Variants in NRG3 observed in about 807,000 individuals in gnomAD.
The protein encoded by NRG3 is neuregulin 3.
NRG3 carries 31 observed loss-of-function variants against 66.9 expected under a neutral mutation model. The ratio of observed to expected loss-of-function variants is 0.46; its 90% CI spans 0.35 to 0.63. The LOEUF (loss-of-function observed/expected upper bound fraction) is 0.63. Ranked by LOEUF, NRG3 falls within the 20% of genes least tolerant of loss-of-function variation. NRG3 has a pLI of 0.00. For missense variants in NRG3, 910 were observed against 878.9 expected (o/e 1.04, Z -0.45); for synonymous variants, 393 against 359.4 (o/e 1.09, Z -1.06).
chr10:82,239,904 A>G (rs2076932603), intron 1 of NRG3, among the ~76,000 whole-genome samples: 2 of 152,184 alleles, frequency 1.3e-5, no homozygotes, highest in African/African-American at 2.4e-5. Context: ...GTATTCACAA[A>G]AAGAAACTTA....
At position 82,985,582 on chromosome 10, in the gene NRG3, A is replaced by T. The variant is rs757153974; in HGVS notation, c.2068A>T (p.Arg690Ter). Reference sequence around the variant, plus strand: ...ATTTGTCTTAAGAAATGAAATACAAAGAGACTCTGCATTGACCAAGTGACT... The same window carrying T: ...ATTTGTCTTAAGAAATGAAATACAATGAGACTCTGCATTGACCAAGTGACT... ...AQFVLRNEIQ[R>*]DSALTK The change falls in exon 9 of 9, where the codon AGA (arginine) becomes TGA (stop). Residue 690 changes from arginine (R) to a stop codon, truncating the protein, a stop_gained. Transcript: ENST00000372141. LOFTEE classifies it high-confidence loss of function. The T allele has an allele frequency of 1.2e-6, 2 of 1,612,680 alleles. No homozygotes were observed. Among genetic ancestry groups the T allele is most frequent in the Non-Finnish European group, 1.7e-6 (2 of 1,179,960 alleles).
At chr10:82,667,990 T>G (rs982226536) in intron 2 of NRG3, among the ~76,000 whole-genome samples, 1 of 152,198 alleles carries the variant, frequency 6.6e-6, no homozygotes, top group African/African-American at 2.4e-5. Context: ...GAGCTAAATT[T>G]ATACGTCAGT....
chr10:82,428,415 A>G (rs1437737820), intron 2 of NRG3, among the ~76,000 whole-genome samples: 2 of 151,772 alleles, frequency 1.3e-5, no homozygotes, highest in Non-Finnish European at 2.9e-5. Flanking sequence ...ATGATTTCCT[A>G]ATTCCCCTTG....
At chr10:82,735,169 C>T (rs1002719418) in intron 2 of NRG3, among the ~76,000 whole-genome samples, 1 of 152,122 alleles carries the variant, frequency 6.6e-6, no homozygotes, top group Admixed American at 6.5e-5. Flanking sequence ...TACAATGTCT[C>T]GGCTCTTGTG....
chr10:82,743,233 C>G (rs564569539), intron 3 of NRG3, among the ~76,000 whole-genome samples: 1 of 152,152 alleles, frequency 6.6e-6, no homozygotes, highest in African/African-American at 2.4e-5. Flanking sequence ...GTCGTCTAGC[C>G]CCTCCGTGGA....
chr10:82,469,601 G>T (rs981346401), intron 2 of NRG3, among the ~76,000 whole-genome samples: 1 of 152,176 alleles, frequency 6.6e-6, no homozygotes, highest in Non-Finnish European at 1.5e-5. Context: ...ATAGGAGTGG[G>T]TATGCATGGC....
intron 1 of NRG3, among the ~76,000 whole-genome samples, chr10:82,309,977 A>G (rs1191281565): frequency 1.3e-5 from 2 of 152,026 alleles, no homozygotes; most frequent in Non-Finnish European, 2.9e-5. Context: ...TTCTATCTCC[A>G]AATTATTTCC....
chr10:82,197,720 A>G (rs990243131), intron 1 of NRG3, among the ~76,000 whole-genome samples: 1 of 152,204 alleles, frequency 6.6e-6, no homozygotes, highest in Non-Finnish European at 1.5e-5. Flanking sequence ...TTATCTTAAG[A>G]TAATACTAGA....
At chr10:82,264,272 A>G (rs1450325839) in intron 1 of NRG3, among the ~76,000 whole-genome samples, 1 of 152,184 alleles carries the variant, frequency 6.6e-6, no homozygotes, top group African/African-American at 2.4e-5. Flanking sequence ...GAAATTTACA[A>G]TCATGGCCGA....
chr10:82,204,263 C>T (rs1478101721), intron 1 of NRG3, among the ~76,000 whole-genome samples: 2 of 152,186 alleles, frequency 1.3e-5, no homozygotes, highest in Non-Finnish European at 2.9e-5. Context: ...TAAAATACCA[C>T]TGTCTTACTA....
At chr10:82,256,587 C>G (rs2077739498) in intron 1 of NRG3, among the ~76,000 whole-genome samples, 2 of 152,198 alleles carry the variant, frequency 1.3e-5, no homozygotes, top group Admixed American at 6.5e-5. Flanking sequence ...TATCCTGCTG[C>G]TCTACCTTCT....
intron 1 of NRG3, among the ~76,000 whole-genome samples, chr10:82,067,251 A>G (rs900149316): frequency 2.6e-5 from 4 of 152,222 alleles, no homozygotes; most frequent in Non-Finnish European, 4.4e-5. Context: ...TGCTTTAGAA[A>G]AACAAGCATT....
At chr10:82,096,029 C>G (rs1168001680) in intron 1 of NRG3, among the ~76,000 whole-genome samples, 3 of 152,074 alleles carry the variant, frequency 2.0e-5, no homozygotes, top group African/African-American at 7.2e-5. Flanking sequence ...ATCTGGACAG[C>G]ATTGGCAAGA....
At chr10:82,259,575 G>T (rs779401610) in intron 1 of NRG3, among the ~76,000 whole-genome samples, 84 of 152,110 alleles carry the variant, frequency 5.5e-4, no homozygotes, top group Non-Finnish European at 1.8e-4. Flanking sequence ...GTAAAAAGTA[G>T]TATAATAAAA....
At chr10:82,023,886 C>A (rs2062173024) in intron 1 of NRG3, among the ~76,000 whole-genome samples, 1 of 151,966 alleles carries the variant, frequency 6.6e-6, no homozygotes, top group Non-Finnish European at 1.5e-5. Context: ...TGAAAGTTCC[C>A]CTTCTCTTCA....
At chr10:82,095,455 G>A (rs1373292430) in intron 1 of NRG3, among the ~76,000 whole-genome samples, 1 of 152,178 alleles carries the variant, frequency 6.6e-6, no homozygotes, top group Non-Finnish European at 1.5e-5. Context: ...AGAAGGCTGG[G>A]GAGGGGCAGA....
At chr10:82,984,362 AC>A (rs1473225043) in intron 8 of NRG3, among the ~76,000 whole-genome samples, 1 of 152,144 alleles carries the variant, frequency 6.6e-6, no homozygotes, top group Admixed American at 6.5e-5. Context: ...GAACTACCTT[AC>A]TTGGTTTCTT....
At chr10:82,671,280 G>C (rs980500259) in intron 2 of NRG3, among the ~76,000 whole-genome samples, 9 of 152,180 alleles carry the variant, frequency 5.9e-5, no homozygotes, top group African/African-American at 2.2e-4. Flanking sequence ...ATCTCTGGCT[G>C]GGACCTTACC....
chr10:82,136,564 C>A (rs1163444235), intron 1 of NRG3, among the ~76,000 whole-genome samples: 1 of 152,108 alleles, frequency 6.6e-6, no homozygotes, highest in Non-Finnish European at 1.5e-5. Context: ...TTTTTCTACT[C>A]CTCTCTTTCC....
Sources: allele counts gnomAD v4.1 joint callset (sites outside exome capture counted in the v4.1 genomes callset), GRCh38; gene constraint gnomAD v4.1.1; transcripts MANE v1.5; gene names NCBI Gene and HGNC (gene_info 2026-07-23, HGNC 2026-07-21).